TPR: variants seen among roughly 807,000 people sequenced by gnomAD.
TPR encodes the protein translocated promoter region, nuclear basket protein.
In TPR, 51 loss-of-function variants were observed where a neutral mutation model predicts 316.1. The observed-to-expected ratio is 0.16, with a 90% confidence interval of 0.13 to 0.20. The LOEUF is 0.20. Among genes scored for constraint, TPR ranks in the 10% least tolerant of loss-of-function variants. The probability of loss-of-function intolerance (pLI) is 1.00; values close to 1 mark genes in which losing one functional copy is unlikely to be tolerated. For synonymous variants in TPR, 981 were observed against 914.7 expected, an observed-to-expected ratio of 1.07 and a Z score of -1.31; for missense variants, 2,272 against 2,754.8, an observed-to-expected ratio of 0.82 and a Z score of 3.92.
In TPR at chr1:186,359,811, T is replaced by A. The variant is rs745879976; in HGVS notation, c.1377A>T (p.Glu459Asp). ...GAATGGAACCAACCTTCATAGCTTG[T>A]TCAAGCTTAACAGATAAACTTGCTA... ...KAVASLSVKL[E>D]QAMKEIQRLQ... Residue 459 changes from glutamate to aspartate, a missense_variant, in exon 12 of 51, where the codon GAA becomes GAT. Physicochemically the swap from Glu to Asp is conservative, Grantham distance 45. Coordinates refer to ENST00000367478, the MANE Select transcript of TPR (RefSeq NM_003292.3). 10 of 1,582,690 alleles carry A rather than the reference T, an allele frequency of 6.3e-6. 1 individual carries two copies. The highest frequency in any genetic ancestry group is 1.7e-4 in the Middle Eastern group (1 of 5,980).
rs1294871672 is a variant in TPR at position 186,367,911 on chromosome 1, T to C, written c.402A>G (p.Leu134=). 1.2e-6 allele frequency: 2 copies of C among 1,610,708 alleles called. No homozygotes were observed. Among genetic ancestry groups the C allele is most frequent in the Admixed American group, 3.3e-5 (2 of 59,978 alleles). ...KRDLIRTNER[L]SQELEYLTED... ...CTGTTAAGTATTCAAGTTCTTGAGA[T>C]AGTCTCTCATTGGTTCTAATTAAGT... Residue 134 remains leucine, a synonymous_variant, in exon 4 of 51, where the codon CTA becomes CTG. Transcript: ENST00000367478.
chr1:186,327,418 C>G, intron 40 of TPR, 42 bp downstream of exon 40: 1 of 1,592,238 alleles, frequency 6.3e-7, no homozygotes, highest in Non-Finnish European at 8.5e-7. Context: ...GCACTTTCAT[C>G]CAATAGTTTA....
At chr1:186,355,598 C>G (rs1398435924) in intron 16 of TPR, 37 bp downstream of exon 16, 1 of 1,613,604 alleles carries the variant, frequency 6.2e-7, no homozygotes, top group Admixed American at 1.7e-5. Context: ...ACTGTGTTCT[C>G]TAAAAACCTA....
chr1:186,338,803 G>A (rs529166488), intron 30 of TPR, among the ~76,000 whole-genome samples: 51 of 152,272 alleles, frequency 3.3e-4, no homozygotes, highest in African/African-American at 9.4e-4. Flanking sequence ...CAGATGGCCT[G>A]AATTAAGAGT....
intron 20 of TPR, among the ~76,000 whole-genome samples, chr1:186,350,607 A>G (rs1024105630): frequency 3.3e-5 from 5 of 152,146 alleles, no homozygotes; most frequent in Non-Finnish European, 5.9e-5. Context: ...GCCTTAGTTT[A>G]CTGATTTAAA....
intron 45 of TPR, among the ~76,000 whole-genome samples, chr1:186,321,264 CAT>C (rs1279055863): frequency 2.6e-5 from 4 of 152,192 alleles, no homozygotes; most frequent in East Asian, 1.9e-4. Flanking sequence ...CTAACCGCCA[CAT>C]GTTACATCTA....
At chr1:186,332,066 GT>G (rs750121902) in intron 38 of TPR, 128 bp downstream of exon 38, 39 of 975,082 alleles carry the variant, frequency 4.0e-5, no homozygotes, top group Non-Finnish European at 5.3e-5. Context: ...TTTGTAGAAA[GT>G]TCAATAAAAG....
At chr1:186,346,091 T>C in intron 23 of TPR, 44 bp downstream of exon 23, 2 of 1,541,628 alleles carry the variant, frequency 1.3e-6, no homozygotes, top group Non-Finnish European at 1.7e-6. Context: ...AGAATTCAAA[T>C]CCTTACAAGT....
In TPR at chr1:186,332,210, T is replaced by C; in HGVS notation, c.5589A>G (p.Thr1863=). The change falls in exon 38 of 51, where the codon ACA becomes ACG. Residue 1863 remains threonine, a synonymous_variant. Coordinates refer to ENST00000367478, the MANE Select transcript of TPR (RefSeq NM_003292.3). ...MPLPKKLKSV[T]PVGTEEEVMA... is the part of the protein sequence containing the mutation. ...CTTTACGCACCTCAGTTCCTACAGG[T>C]GTGACACTTTTCAACTTCTTTGGAA... The C allele has an allele frequency of 6.2e-7, 1 of 1,611,196 alleles. No homozygotes were observed. The highest frequency in any genetic ancestry group is 8.5e-7 in the Non-Finnish European group (1 of 1,178,888).
intron 1 of TPR, among the ~76,000 whole-genome samples, chr1:186,374,219 A>AT (rs1392565698): frequency 6.6e-6 from 1 of 152,106 alleles, no homozygotes; most frequent in African/African-American, 2.4e-5. Flanking sequence ...TATTCTTCAT[A>AT]TTTTTTTCAA....
intron 1 of TPR, among the ~76,000 whole-genome samples, chr1:186,373,943 C>T (rs2101996764): frequency 6.6e-6 from 1 of 152,282 alleles, no homozygotes; most frequent in East Asian, 1.9e-4. Context: ...GATTGAATAT[C>T]ATGTTCAGCA....
rs1479888312 is a variant in TPR, at chr1:186,360,435, G to A, written c.1100-71C>T. The A allele has an allele frequency of 1.7e-5, 25 of 1,507,826 alleles. No homozygotes were observed. The Admixed American group carries it at 2.5e-4, about 15-fold the overall frequency. 93.4% of individuals were successfully genotyped at this position (1,507,826 alleles called of 1,614,324 possible). ...CTAAAAGCCATTAATAATTTTTCAA[G>A]GTAAGTGACATGTACTGTACATTAT... On this transcript the variant is annotated intron_variant, in intron 10 of 50. Coordinates refer to ENST00000367478, the MANE Select transcript of TPR (RefSeq NM_003292.3).
intron 22 of TPR, among the ~76,000 whole-genome samples, chr1:186,346,573 C>T (rs998950758): frequency 1.3e-5 from 2 of 152,018 alleles, no homozygotes; most frequent in African/African-American, 4.8e-5. Flanking sequence ...TTGCCAAATC[C>T]ATCTATTCTA....
intron 2 of TPR, 97 bp from the exon 3 acceptor site, chr1:186,371,140 A>G: frequency 2.2e-6 from 2 of 915,988 alleles, no homozygotes; most frequent in Non-Finnish European, 1.7e-6. Context: ...TTAATAAATG[A>G]AAAAACAGAA....
At chr1:186,334,913 G>T (rs1658292978) in intron 35 of TPR, among the ~76,000 whole-genome samples, 155 bp downstream of exon 35, 1 of 152,108 alleles carries the variant, frequency 6.6e-6, no homozygotes, top group South Asian at 2.1e-4. Flanking sequence ...AAACAAGCTG[G>T]CAAATACATG....
chr1:186,352,900 A>G (rs2101976700), intron 18 of TPR, among the ~76,000 whole-genome samples: 1 of 152,362 alleles, frequency 6.6e-6, no homozygotes, highest in South Asian at 2.1e-4. Context: ...TCAAAGACAG[A>G]AGAGATAACT....
intron 39 of TPR, among the ~76,000 whole-genome samples, chr1:186,330,487 C>A (rs2102062767): frequency 6.6e-6 from 1 of 152,210 alleles, no homozygotes; most frequent in Non-Finnish European, 1.5e-5. Context: ...AATTCCAGCT[C>A]ATTTTCATGC....
rs763471474 is a variant in TPR, at chr1:186,362,834, T to C, written c.696+3A>G. 2.1e-5 allele frequency: 33 copies of C among 1,581,228 alleles called. No individual in the cohort carries two copies. Among genetic ancestry groups the C allele is most frequent in the Non-Finnish European group, 2.2e-5 (26 of 1,170,502 alleles). On this transcript the variant is annotated splice_donor_region_variant and intron_variant, in intron 6 of 50. Coordinates refer to ENST00000367478, the MANE Select transcript of TPR (RefSeq NM_003292.3). ...GAAGAAAAACACAATTTTACTAACT[T>C]ACCTCTTCTTTTTTATTTTCAAGAT...
At position 186,355,691 on chromosome 1, in the gene TPR, G is replaced by A. The variant is rs1258498876; in HGVS notation, c.1966C>T (p.Pro656Ser). The change falls in exon 16 of 51, where the codon CCA becomes TCA. Residue 656 changes from proline (P) to serine (S), a missense_variant. Pro to Ser is a moderately conservative substitution (Grantham distance 74, BLOSUM62 -1). This residue lies in a region of TPR where 757 missense variants were observed against 859.8 expected (regional missense o/e 0.88). Transcript: ENST00000367478. ...STSQTVSTPA[P>S]VPVIESTEAI... The stretch of plus-strand genomic sequence containing the variant: ...TCTGTTGATTCAATAACAGGTACTG[G>A]AGCAGGAGTGGAAACAGTCTGTGAT... 1.2e-6 allele frequency: 2 copies of A among 1,613,996 alleles called. No homozygotes were observed. Among genetic ancestry groups the A allele is most frequent in the African/African-American group, 1.3e-5 (1 of 74,916 alleles).
Sources: gnomAD v4.1 joint callset for allele counts (sites outside exome capture counted in the v4.1 genomes callset) on GRCh38, gnomAD v4.1.1 for gene constraint, gnomAD v4.1.1 regional missense constraint, MANE v1.5 for transcripts, NCBI Gene and HGNC (gene_info 2026-07-23, HGNC 2026-07-21) for gene names.